The following CSNK1G1 variants were observed in gnomAD, a reference collection of about 807,000 sequenced individuals.
CSNK1G1 encodes the protein casein kinase 1 gamma 1.
Under a neutral mutation model 59.6 loss-of-function variants are expected in CSNK1G1, and 22 were observed. The observed-to-expected ratio is 0.37, with a 90% CI of 0.26 to 0.53. The LOEUF (loss-of-function observed/expected upper bound fraction) is 0.53, where lower values mean the gene tolerates loss of function less well. Among genes scored for constraint, CSNK1G1 ranks in the 20% least tolerant of loss-of-function variants. CSNK1G1 has a pLI of 0.89. For synonymous variants in CSNK1G1, 179 were observed against 177.1 expected (o/e 1.01, Z -0.08); for missense variants, 384 against 519.5 (o/e 0.74, Z 2.54).
intron 1 of CSNK1G1, among the ~76,000 whole-genome samples, chr15:64,324,529 A>G (rs1371476762): frequency 1.3e-5 from 2 of 152,226 alleles, no homozygotes; most frequent in Admixed American, 1.3e-4. Flanking sequence ...TTGGACTTAC[A>G]CCAGTGGTTT....
chr15:64,235,856 T>C (rs2082607097), intron 4 of CSNK1G1, among the ~76,000 whole-genome samples: 1 of 152,134 alleles, frequency 6.6e-6, no homozygotes, highest in African/African-American at 2.4e-5. Context: ...ATGTACAAGA[T>C]ACTACACTAG....
intron 6 of CSNK1G1, among the ~76,000 whole-genome samples, chr15:64,208,417 T>C (rs2082210123): frequency 6.6e-6 from 1 of 152,222 alleles, no homozygotes; most frequent in Non-Finnish European, 1.5e-5. Flanking sequence ...TCCTTTTAAT[T>C]GGGAAGGTGA....
intron 1 of CSNK1G1, among the ~76,000 whole-genome samples, chr15:64,346,336 A>T (rs184551420): frequency 6.6e-6 from 1 of 151,608 alleles, no homozygotes; most frequent in African/African-American, 2.4e-5. Flanking sequence ...AATAAACCTT[A>T]TAACTAAATG....
At chr15:64,310,351 A>T (rs1227798863) in intron 1 of CSNK1G1, among the ~76,000 whole-genome samples, 1 of 152,050 alleles carries the variant, frequency 6.6e-6, no homozygotes, top group Non-Finnish European at 1.5e-5. Flanking sequence ...TTCCAACAGG[A>T]AAAGGGACAT....
At chr15:64,341,675 A>G (rs1175805052) in intron 1 of CSNK1G1, among the ~76,000 whole-genome samples, 2 of 151,968 alleles carry the variant, frequency 1.3e-5, no homozygotes, top group Non-Finnish European at 2.9e-5. Context: ...GAGTCTTGCT[A>G]TGTTGCCCAA....
intron 3 of CSNK1G1, among the ~76,000 whole-genome samples, chr15:64,258,325 G>T (rs567534998): frequency 6.6e-6 from 1 of 151,610 alleles, no homozygotes; most frequent in African/African-American, 2.4e-5. Flanking sequence ...GGAGGTTGCA[G>T]TGAGCCAAGA....
intron 1 of CSNK1G1, among the ~76,000 whole-genome samples, chr15:64,302,412 T>C (rs11633312): frequency 0.76 from 115,474 of 152,006 alleles, 46,582 homozygotes; most frequent in East Asian, 0.95. Context: ...CTGATTGCTT[T>C]ATTATAGTTT....
intron 1 of CSNK1G1, among the ~76,000 whole-genome samples, chr15:64,312,924 C>A (rs1255099710): frequency 1.3e-5 from 2 of 152,102 alleles, no homozygotes; most frequent in African/African-American, 4.8e-5. Context: ...AAACAAACAA[C>A]CCCATCAAAA....
At chr15:64,202,385 G>C (rs566125013) in intron 10 of CSNK1G1, among the ~76,000 whole-genome samples, 22 of 152,164 alleles carry the variant, frequency 1.4e-4, no homozygotes, top group Non-Finnish European at 2.9e-4. Context: ...CTGTGCGACA[G>C]GTCTTTTTTT....
In CSNK1G1 at chr15:64,216,427, G is replaced by C; in HGVS notation, c.444+135C>G. The stretch of plus-strand genomic sequence containing the variant: ...GAATTTACCCTTTTTGCCCCAGCCA[G>C]CTTCCCAGAATGCCATCAAGCCTGT... On this transcript the variant is annotated intron_variant, in intron 5 of 11. Coordinates refer to ENST00000303052, the MANE Select transcript of CSNK1G1 (RefSeq NM_022048.5). This position sits in a 1 kb window ranked among gnomAD's most constrained non-coding sequence, Gnocchi z 4.6. The C allele has an allele frequency of 1.2e-6, 1 of 845,996 alleles. No homozygotes were observed. The highest frequency in any genetic ancestry group is 1.8e-6 in the Non-Finnish European group (1 of 554,784). 52.4% of individuals were successfully genotyped at this position (845,996 alleles called of 1,614,324 possible).
At chr15:64,239,913 T>C (rs926368112) in intron 4 of CSNK1G1, among the ~76,000 whole-genome samples, 1 of 151,928 alleles carries the variant, frequency 6.6e-6, no homozygotes, top group Non-Finnish European at 1.5e-5. Context: ...TGATGAGAGG[T>C]CATTTGAAAC....
chr15:64,197,287 T>G (rs906346835), intron 10 of CSNK1G1, among the ~76,000 whole-genome samples: 2 of 152,262 alleles, frequency 1.3e-5, no homozygotes, highest in Admixed American at 1.3e-4. Flanking sequence ...GGAGACTCTT[T>G]AGGCATTATC....
At chr15:64,247,047 G>C (rs191184390) in intron 4 of CSNK1G1, among the ~76,000 whole-genome samples, 1 of 152,244 alleles carries the variant, frequency 6.6e-6, no homozygotes, top group Non-Finnish European at 1.5e-5. Flanking sequence ...ATACGGATCT[G>C]TTTCGGCCAC....
intron 10 of CSNK1G1, among the ~76,000 whole-genome samples, chr15:64,184,831 G>A (rs2081869380): frequency 6.6e-6 from 1 of 152,194 alleles, no homozygotes; most frequent in South Asian, 2.1e-4. Flanking sequence ...ATGAAGGACT[G>A]TTTTGACGTT....
intron 1 of CSNK1G1, among the ~76,000 whole-genome samples, chr15:64,326,316 A>C (rs1896831424): frequency 6.6e-6 from 1 of 152,164 alleles, no homozygotes; most frequent in Admixed American, 6.5e-5. Context: ...GTGAGCCACC[A>C]TGCCTGGCCC....
intron 1 of CSNK1G1, among the ~76,000 whole-genome samples, chr15:64,346,020 A>T (rs929619078): frequency 7.0e-6 from 1 of 143,030 alleles, no homozygotes; most frequent in Non-Finnish European, 1.5e-5. Context: ...TGATCTTCTG[A>T]CCTCGTGATC....
chr15:64,336,238 T>C (rs377622079), intron 1 of CSNK1G1, among the ~76,000 whole-genome samples: 52 of 122,124 alleles, frequency 4.3e-4, no homozygotes, highest in African/African-American at 1.2e-3. Context: ...ACAAATTATC[T>C]TGATTAACTA....
intron 1 of CSNK1G1, among the ~76,000 whole-genome samples, chr15:64,307,420 C>T (rs1164359056): frequency 6.6e-6 from 1 of 152,072 alleles, no homozygotes; most frequent in Non-Finnish European, 1.5e-5. Context: ...ATGCTCAAAA[C>T]TACAAAATAT....
intron 10 of CSNK1G1, among the ~76,000 whole-genome samples, chr15:64,202,483 T>C (rs925022483): frequency 2.0e-5 from 3 of 151,700 alleles, no homozygotes; most frequent in Non-Finnish European, 4.4e-5. Context: ...CTATGGTAGA[T>C]GCCTCTGATC....
Sources: gnomAD v4.1 joint callset for allele counts (sites outside exome capture counted in the v4.1 genomes callset) on GRCh38, gnomAD v4.1.1 for gene constraint, Gnocchi (gnomAD v3.1) non-coding constraint, MANE v1.5 for transcripts, NCBI Gene and HGNC (gene_info 2026-07-23, HGNC 2026-07-21) for gene names.